The following PNPLA3 variants were observed in gnomAD, a reference collection of about 807,000 sequenced individuals.
PNPLA3 encodes the protein 1-acylglycerol-3-phosphate O-acyltransferase PNPLA3.
In PNPLA3, 42 loss-of-function variants were observed where a neutral mutation model predicts 43.1. The observed-to-expected ratio is 0.97, with a 90% CI of 0.76 to 1.26. PNPLA3 has a LOEUF of 1.26. Ranked by LOEUF, PNPLA3 falls within the 50% of genes most tolerant of loss-of-function variation. The probability of loss-of-function intolerance (pLI) is 0.00; values close to 1 mark genes in which losing one functional copy is unlikely to be tolerated. For missense variants in PNPLA3, 647 were observed against 621.4 expected (o/e 1.04, Z -0.44); for synonymous variants, 272 against 253.6 (o/e 1.07, Z -0.69).
intron 3 of PNPLA3, among the ~76,000 whole-genome samples, chr22:43,930,171 C>A (rs1027590955): frequency 7.9e-5 from 12 of 152,132 alleles, no homozygotes; most frequent in Admixed American, 7.2e-4. Context: ...CTTATAGGGT[C>A]CCCACAACCA....
chr22:43,942,244 C>G (rs1569016205), intron 7 of PNPLA3, among the ~76,000 whole-genome samples: 2 of 152,206 alleles, frequency 1.3e-5, no homozygotes, highest in Non-Finnish European at 2.9e-5. Flanking sequence ...ATCTTCCCTC[C>G]TGGAGCCACT....
chr22:43,930,266 A>C (rs1487837092), intron 3 of PNPLA3, among the ~76,000 whole-genome samples: 1 of 152,132 alleles, frequency 6.6e-6, no homozygotes, highest in Non-Finnish European at 1.5e-5. Context: ...GCGAGCTTGC[A>C]CCCAGGTCAC....
chr22:43,928,889 G>A lies in PNPLA3; in HGVS notation c.486G>A (p.Val162=), dbSNP rs2049943046. 1 of 1,610,198 alleles carries A rather than the reference G, an allele frequency of 6.2e-7. No individual in the cohort carries two copies. The highest frequency in any genetic ancestry group is 8.5e-7 in the Non-Finnish European group (1 of 1,176,516). Residue 162 remains valine, a splice_region_variant and synonymous_variant, in exon 3 of 9, where the codon GTG becomes GTA. Transcript: ENST00000216180. ...TTATCCCTCCTTCCTTCAGAGGCGT[G>A]GTAAGTCGGCTTTCTCTGCTAGCGC... is the stretch of plus-strand genomic sequence containing the variant. ...SGLIPPSFRG[V]RYVDGGVSDN... is the part of the protein sequence containing the mutation.
At chr22:43,943,849 C>G (rs1414525041) in intron 7 of PNPLA3, among the ~76,000 whole-genome samples, 1 of 151,920 alleles carries the variant, frequency 6.6e-6, no homozygotes, top group African/African-American at 2.4e-5. Context: ...AGTGCAATGT[C>G]GCGATCTCAG....
At chr22:43,928,556 C>T (rs1053827881) in intron 2 of PNPLA3, among the ~76,000 whole-genome samples, 3 of 151,568 alleles carry the variant, frequency 2.0e-5, no homozygotes, top group African/African-American at 4.8e-5. Flanking sequence ...TCTGTGGTGA[C>T]CCAGTGTGAC....
chr22:43,941,782 C>T (rs1055485443), intron 7 of PNPLA3, among the ~76,000 whole-genome samples: 2 of 150,988 alleles, frequency 1.3e-5, no homozygotes, highest in Non-Finnish European at 2.9e-5. Context: ...CAGTGGAGGG[C>T]ACTTGATTAA....
In PNPLA3 at chr22:43,932,932, A is replaced by G. The variant is rs563149872; in HGVS notation, c.541A>G (p.Thr181Ala). Residue 181 changes from threonine to alanine, a missense_variant, in exon 4 of 9, where the codon ACC (threonine) becomes GCC (alanine). By Grantham distance (58) the Thr-to-Ala change is moderately conservative (BLOSUM62 0). Transcript: ENST00000216180. ...DNVPFIDAKT[T>A]ITVSPFYGEY... is the part of the protein sequence containing the mutation. The stretch of plus-strand genomic sequence containing the variant: ...CGTACCCTTCATTGATGCCAAAACA[A>G]CCATCACCGTGTCCCCCTTCTATGG... The G allele has an allele frequency of 4.3e-6, 7 of 1,614,152 alleles. No homozygotes were observed. The East Asian group carries it at 1.6e-4, about 36-fold the overall frequency.
chr22:43,934,586 C>A lies in PNPLA3; in HGVS notation c.697-20C>A. On this transcript the variant is annotated intron_variant, in intron 4 of 8. Coordinates refer to ENST00000216180, the MANE Select transcript of PNPLA3 (RefSeq NM_025225.3). Reference sequence around the variant, plus strand: ...CTTGGTGTCTCCCTGCTGTAGTCCCCTTGCTTGCTTTGCTCACAGGTGCTG... The same window carrying A: ...CTTGGTGTCTCCCTGCTGTAGTCCCATTGCTTGCTTTGCTCACAGGTGCTG... The A allele has an allele frequency of 1.2e-6, 2 of 1,609,620 alleles. No homozygotes were observed. The highest frequency in any genetic ancestry group is 1.7e-6 in the Non-Finnish European group (2 of 1,175,976).
chr22:43,929,286 G>C (rs1448940478), intron 3 of PNPLA3, among the ~76,000 whole-genome samples: 1 of 151,916 alleles, frequency 6.6e-6, no homozygotes, highest in Non-Finnish European at 1.5e-5. Context: ...GACCAGCCTG[G>C]CCAACAGTGT....
chr22:43,937,038 G>A lies in PNPLA3; in HGVS notation c.758-13G>A, dbSNP rs369889476. On this transcript the variant is annotated splice_polypyrimidine_tract_variant and intron_variant, in intron 5 of 8. Transcript: ENST00000216180. Reference sequence around the variant, plus strand: ...CGTTCGCCTGATGGGCTTGTTTTCCGTGCCCTTCACAGGCATCTGCAACAG... The same window carrying A: ...CGTTCGCCTGATGGGCTTGTTTTCCATGCCCTTCACAGGCATCTGCAACAG... 5.4e-5 allele frequency: 86 copies of A among 1,607,310 alleles called. 1 individual carries two copies. Among genetic ancestry groups the A allele is most frequent in the African/African-American group, 4.8e-4 (36 of 74,820 alleles).
chr22:43,939,455 TA>T lies in PNPLA3; in HGVS notation c.980-536del, dbSNP rs2050016943. 16 of 930,472 alleles carry T rather than the reference TA, an allele frequency of 1.7e-5. No homozygotes were observed. In the South Asian group the frequency reaches 6.9e-4, roughly 40 times the overall value. 57.6% of individuals were successfully genotyped at this position (930,472 alleles called of 1,614,324 possible). On this transcript the variant is annotated intron_variant, in intron 6 of 8. Coordinates refer to ENST00000216180, the MANE Select transcript of PNPLA3 (RefSeq NM_025225.3). ...CTGGGAGTGGGGACCCTATGCTCCG[TA>T]AGCACTCTCTTAGCTGTTCTTGGCT...
At chr22:43,927,983 A>G (rs949818601) in intron 2 of PNPLA3, among the ~76,000 whole-genome samples, 2 of 152,228 alleles carry the variant, frequency 1.3e-5, no homozygotes, top group Non-Finnish European at 2.9e-5. Flanking sequence ...TGCATCTTCC[A>G]TAATGAAGAT....
chr22:43,943,943 C>T (rs867447550), intron 7 of PNPLA3, among the ~76,000 whole-genome samples: 1 of 152,116 alleles, frequency 6.6e-6, no homozygotes, highest in African/African-American at 2.4e-5. Context: ...CATGTGCCAC[C>T]ACACCTGGCT....
chr22:43,924,966 G>C (rs1280408349), intron 1 of PNPLA3, among the ~76,000 whole-genome samples: 1 of 152,040 alleles, frequency 6.6e-6, no homozygotes, highest in Non-Finnish European at 1.5e-5. Flanking sequence ...TCTCTGGGTC[G>C]CAGCCCAGCC....
intron 3 of PNPLA3, among the ~76,000 whole-genome samples, chr22:43,931,283 A>T (rs903700570): frequency 2.0e-5 from 3 of 152,206 alleles, no homozygotes; most frequent in Admixed American, 6.5e-5. Flanking sequence ...AATGCAAGCA[A>T]ATTCAAAGCA....
Position 43,946,520 on chromosome 22 carries a change from T to A in PNPLA3, c.*138T>A. 1 of 883,932 alleles carries A rather than the reference T, an allele frequency of 1.1e-6. No individual in the cohort carries two copies. The highest frequency in any genetic ancestry group is 2.6e-5 in the East Asian group (1 of 39,016). The allele number at this position is 883,932 out of a possible 1,614,324, so 54.8% of individuals were successfully genotyped here. A position where few individuals can be genotyped will look rare whatever the true frequency, so the allele number is the denominator to read the frequency against. On this transcript the variant is annotated 3_prime_UTR_variant, in exon 9 of 9. Coordinates refer to ENST00000216180, the MANE Select transcript of PNPLA3 (RefSeq NM_025225.3). ...TCCCAGCCTCTGAGCTGAGTTGGTT[T>A]TATGAAAAGCTAGGAAGCAACCTTT...
At position 43,928,907 on chromosome 22, in the gene PNPLA3, G is replaced by C. The variant is rs2146776732; in HGVS notation, c.486+18G>C. 3.1e-6 allele frequency: 5 copies of C among 1,599,952 alleles called. No individual in the cohort carries two copies. Among genetic ancestry groups the C allele is most frequent in the Non-Finnish European group, 3.4e-6 (4 of 1,167,218 alleles). On this transcript the variant is annotated intron_variant, in intron 3 of 8. Coordinates refer to ENST00000216180, the MANE Select transcript of PNPLA3 (RefSeq NM_025225.3). ...GAGGCGTGGTAAGTCGGCTTTCTCT[G>C]CTAGCGCTGAGTCCTGGGGGCCTCT... is the stretch of plus-strand genomic sequence containing the variant.
chr22:43,935,047 C>T (rs1189389930), intron 5 of PNPLA3, among the ~76,000 whole-genome samples: 2 of 152,114 alleles, frequency 1.3e-5, no homozygotes, highest in Non-Finnish European at 2.9e-5. Flanking sequence ...TGCGCCTGGA[C>T]CCCAAATGAA....
At chr22:43,929,014 T>C in intron 3 of PNPLA3, 125 bp downstream of exon 3, 1 of 965,852 alleles carries the variant, frequency 1.0e-6, no homozygotes, top group Non-Finnish European at 1.6e-6. Flanking sequence ...GCCCCATGCC[T>C]CACTGCCTTT....
Sources: allele counts gnomAD v4.1 joint callset (sites outside exome capture counted in the v4.1 genomes callset), GRCh38; gene constraint gnomAD v4.1.1; transcripts MANE v1.5; gene names NCBI Gene and HGNC (gene_info 2026-07-23, HGNC 2026-07-21).